The following GULP1 variants were observed in gnomAD, a reference collection of about 807,000 sequenced individuals.
GULP1 encodes GULP PTB domain containing engulfment adaptor 1.
GULP1 carries 19 observed loss-of-function variants against 40.9 expected under a neutral mutation model. The observed-to-expected ratio is 0.46, with a 90% CI of 0.32 to 0.68. The LOEUF is 0.68. GULP1 is among the 30% of genes least tolerant of loss of function. The pLI is 0.03. For synonymous variants in GULP1, 119 were observed against 117.6 expected (o/e 1.01, Z -0.08); for missense variants, 312 against 362.2 (o/e 0.86, Z 1.12).
chr2:188,594,085 G>T lies in GULP1; in HGVS notation c.*74G>T. 2.4e-6 allele frequency: 2 copies of T among 821,224 alleles called. No individual in the cohort carries two copies. Among genetic ancestry groups the T allele is most frequent in the East Asian group, 2.5e-5 (1 of 40,284 alleles). The allele number at this position is 821,224 out of a possible 1,614,324, so 50.9% of individuals were successfully genotyped here. ...ATGTCATTTATTATTATTACTTTAA[G>T]ATAGGTATTATTCATGTGTCAATGT... On this transcript the variant is annotated 3_prime_UTR_variant, in exon 12 of 12. Coordinates refer to ENST00000409830, the MANE Select transcript of GULP1 (RefSeq NM_016315.4).
chr2:188,586,176 A>G (rs1702329768), intron 10 of GULP1, among the ~76,000 whole-genome samples: 1 of 152,200 alleles, frequency 6.6e-6, no homozygotes, highest in Non-Finnish European at 1.5e-5. Context: ...ACACCTTGAT[A>G]GATTTTTCAG....
chr2:188,414,078 A>G (rs1207873901), intron 2 of GULP1, among the ~76,000 whole-genome samples: 1 of 151,944 alleles, frequency 6.6e-6, no homozygotes, highest in Non-Finnish European at 1.5e-5. Context: ...TTAGTCAGGC[A>G]TGGTGGTGCG....
intron 5 of GULP1, among the ~76,000 whole-genome samples, chr2:188,528,331 T>C (rs751854788): frequency 2.0e-5 from 3 of 152,110 alleles, no homozygotes; most frequent in Non-Finnish European, 2.9e-5. Flanking sequence ...GCTGGGCTCC[T>C]GAAATTTTCC....
chr2:188,370,568 A>T (rs1435510736), intron 1 of GULP1, among the ~76,000 whole-genome samples: 3 of 152,206 alleles, frequency 2.0e-5, no homozygotes, highest in Non-Finnish European at 4.4e-5. Context: ...TCCATAGATG[A>T]GACTTAAAAA....
At chr2:188,421,321 CTT>C (rs2055378527) in intron 2 of GULP1, among the ~76,000 whole-genome samples, 1 of 151,946 alleles carries the variant, frequency 6.6e-6, no homozygotes, top group African/African-American at 2.4e-5. Flanking sequence ...AAATTATAAA[CTT>C]TTATATATAT....
intron 6 of GULP1, among the ~76,000 whole-genome samples, chr2:188,538,827 AC>A (rs1689656695): frequency 6.6e-6 from 1 of 152,068 alleles, no homozygotes; most frequent in African/African-American, 2.4e-5. Flanking sequence ...TAAGTGACAC[AC>A]AAAAAAATCA....
intron 1 of GULP1, among the ~76,000 whole-genome samples, chr2:188,376,089 T>C (rs2048264060): frequency 6.6e-6 from 1 of 152,026 alleles, no homozygotes; most frequent in Non-Finnish European, 1.5e-5. Context: ...AGTGTATTTA[T>C]TAAAAAAAAA....
intron 2 of GULP1, among the ~76,000 whole-genome samples, chr2:188,444,026 C>G (rs1474388397): frequency 6.6e-6 from 1 of 151,918 alleles, no homozygotes; most frequent in Admixed American, 6.6e-5. Context: ...ATTTTCTTTC[C>G]TAGTACTCAT....
At chr2:188,321,129 G>A (rs1251374188) in intron 1 of GULP1, among the ~76,000 whole-genome samples, 1 of 152,026 alleles carries the variant, frequency 6.6e-6, no homozygotes, top group Non-Finnish European at 1.5e-5. Context: ...AGCTTTTCCT[G>A]GCATGTGGTT....
At chr2:188,576,563 A>G (rs1700214844) in intron 9 of GULP1, among the ~76,000 whole-genome samples, 1 of 152,126 alleles carries the variant, frequency 6.6e-6, no homozygotes, top group Admixed American at 6.6e-5. Flanking sequence ...TGTATATAAA[A>G]TATTTTCTTA....
intron 1 of GULP1, among the ~76,000 whole-genome samples, chr2:188,366,303 T>A (rs761615105): frequency 3.3e-5 from 5 of 152,112 alleles, no homozygotes; most frequent in Non-Finnish European, 7.4e-5. Flanking sequence ...ACAAAGCCAC[T>A]GGACTAAGAA....
chr2:188,464,051 C>T (rs553294604), intron 2 of GULP1, among the ~76,000 whole-genome samples: 1 of 152,140 alleles, frequency 6.6e-6, no homozygotes, highest in East Asian at 1.9e-4. Flanking sequence ...GTCATCTTTT[C>T]CTGGATCATC....
chr2:188,514,842 A>C (rs181935832), intron 4 of GULP1, among the ~76,000 whole-genome samples: 4 of 152,208 alleles, frequency 2.6e-5, no homozygotes, highest in Non-Finnish European at 4.4e-5. Context: ...ATATTTGTCA[A>C]AATTCCCTTT....
At chr2:188,408,332 G>A (rs1451816183) in intron 2 of GULP1, among the ~76,000 whole-genome samples, 1 of 152,052 alleles carries the variant, frequency 6.6e-6, no homozygotes, top group African/African-American at 2.4e-5. Context: ...ATGGTATTCT[G>A]TTATAGTAAC....
At chr2:188,517,042 G>A (rs140913563) in intron 4 of GULP1, among the ~76,000 whole-genome samples, 28 of 152,114 alleles carry the variant, frequency 1.8e-4, no homozygotes, top group Admixed American at 1.5e-3. Flanking sequence ...TATTAATATT[G>A]TTTGGCTCAC....
At chr2:188,560,653 A>G (rs1696005123) in intron 7 of GULP1, among the ~76,000 whole-genome samples, 1 of 152,170 alleles carries the variant, frequency 6.6e-6, no homozygotes, top group South Asian at 2.1e-4. Context: ...ATTTATAAAG[A>G]GAGAAGTTTA....
At position 188,575,798 on chromosome 2, in the gene GULP1, G is replaced by A. The variant is rs112832596; in HGVS notation, c.609+5678G>A. Among the ~76,000 whole-genome samples, 44 of 152,230 alleles carry A rather than the reference G, an allele frequency of 2.9e-4. 1 individual carries two copies. Among genetic ancestry groups the A allele is most frequent in the African/African-American group, 1.1e-3 (44 of 41,528 alleles). On this transcript the variant is annotated intron_variant, in intron 9 of 11. Coordinates refer to ENST00000409830, the MANE Select transcript of GULP1 (RefSeq NM_016315.4). ...GATATGTCACTTGAAGGTTTTAAAT[G>A]GGATTTGTGGATCATCTGGCTGCTA...
Position 188,429,739 on chromosome 2 carries a change from C to T in GULP1, c.-45+45850C>T, listed in dbSNP as rs962804134. Among the ~76,000 whole-genome samples the T allele has an allele frequency of 7.9e-5, 12 of 151,740 alleles. No individual in the cohort carries two copies. The South Asian group carries it at 1.7e-3, about 21-fold the overall frequency. ...TTTTTTTTTTTAAGAGACGGAGTCT[C>T]GCTCTGTTGCCCAGGCTGGAGTGCA... On this transcript the variant is annotated intron_variant, in intron 2 of 11. Transcript: ENST00000409830.
chr2:188,320,133 A>G (rs1337994273), intron 1 of GULP1, among the ~76,000 whole-genome samples: 3 of 152,136 alleles, frequency 2.0e-5, no homozygotes, highest in African/African-American at 7.2e-5. Flanking sequence ...TTGGTGCCAA[A>G]TGTCCGCTGG....
Sources: allele counts gnomAD v4.1 joint callset (sites outside exome capture counted in the v4.1 genomes callset), GRCh38; gene constraint gnomAD v4.1.1; transcripts MANE v1.5; gene names NCBI Gene and HGNC (gene_info 2026-07-23, HGNC 2026-07-21).